Variants in SNTB1 observed in about 807,000 individuals in gnomAD.
SNTB1 encodes the protein syntrophin beta 1.
Under a neutral mutation model 48.9 loss-of-function variants are expected in SNTB1, and 36 were observed. That is an observed-to-expected ratio of 0.74 (90% CI 0.56 to 0.97). SNTB1 has a LOEUF of 0.97. Among genes scored for constraint, SNTB1 ranks in the 50% least tolerant of loss-of-function variants. The probability of loss-of-function intolerance (pLI) is 0.00; values close to 1 mark genes in which losing one functional copy is unlikely to be tolerated. For missense variants in SNTB1, 786 were observed against 703.4 expected (o/e 1.12, Z -1.33); for synonymous variants, 299 against 294.6 (o/e 1.01, Z -0.15).
chr8:120,615,514 C>G (rs1457082817), intron 3 of SNTB1, among the ~76,000 whole-genome samples: 2 of 152,136 alleles, frequency 1.3e-5, no homozygotes, highest in Non-Finnish European at 2.9e-5. Context: ...TTTGCAGAAC[C>G]CACAGGGCTT....
chr8:120,723,237 A>T (rs1308324995), intron 1 of SNTB1, among the ~76,000 whole-genome samples: 1 of 152,132 alleles, frequency 6.6e-6, no homozygotes. Context: ...AAGAATACTC[A>T]TGGTGTTATG....
At chr8:120,629,381 A>G (rs1239364029) in intron 3 of SNTB1, among the ~76,000 whole-genome samples, 2 of 152,226 alleles carry the variant, frequency 1.3e-5, no homozygotes. Context: ...TTGAAATTAA[A>G]TTAAATATAA....
At chr8:120,759,058 A>T (rs1471811049) in intron 1 of SNTB1, among the ~76,000 whole-genome samples, 2 of 152,132 alleles carry the variant, frequency 1.3e-5, no homozygotes, top group Non-Finnish European at 2.9e-5. Flanking sequence ...GGCATGAGCC[A>T]CCTTGCCCAG....
At chr8:120,704,936 T>C (rs1438044666) in intron 1 of SNTB1, among the ~76,000 whole-genome samples, 1 of 152,200 alleles carries the variant, frequency 6.6e-6, no homozygotes, top group Non-Finnish European at 1.5e-5. Context: ...TCTAGGGATT[T>C]TCATGGCTAT....
chr8:120,627,814 G>A (rs973059085), intron 3 of SNTB1, among the ~76,000 whole-genome samples: 8 of 152,172 alleles, frequency 5.3e-5, no homozygotes, highest in African/African-American at 1.9e-4. Context: ...TCCTGGGCCC[G>A]TTTATTATCT....
intron 2 of SNTB1, among the ~76,000 whole-genome samples, chr8:120,675,465 G>A (rs150526469): frequency 4.3e-4 from 66 of 152,260 alleles, no homozygotes; most frequent in Non-Finnish European, 6.6e-4. Flanking sequence ...TGTCCACAAA[G>A]GGTCCTATGT....
At chr8:120,731,557 C>A (rs1321682778) in intron 1 of SNTB1, among the ~76,000 whole-genome samples, 1 of 152,190 alleles carries the variant, frequency 6.6e-6, no homozygotes, top group Admixed American at 6.5e-5. Flanking sequence ...CTTAATATTT[C>A]ATTAGAAAAG....
rs1417667852 is a variant in SNTB1 at position 120,571,162 on chromosome 8, T to G, written c.1136+3924A>C. 2.3e-5 allele frequency: 28 copies of G among 1,212,550 alleles called. 1 individual carries two copies. Among genetic ancestry groups the G allele is most frequent in the Non-Finnish European group, 2.8e-5 (27 of 948,724 alleles). The allele number at this position is 1,212,550 out of a possible 1,614,324, so 75.1% of individuals were successfully genotyped here. A position where few individuals can be genotyped will look rare whatever the true frequency, so the allele number is the denominator to read the frequency against. On this transcript the variant is annotated intron_variant, in intron 4 of 6. Transcript: ENST00000517992. ...CAGAAACTGTGAGAACAAGGCTATGTACGAGGGTAAATTTTATTTTCATGT... is the reference window on the plus strand; with the variant it reads ...CAGAAACTGTGAGAACAAGGCTATGGACGAGGGTAAATTTTATTTTCATGT...
intron 1 of SNTB1, among the ~76,000 whole-genome samples, chr8:120,742,120 C>T (rs943868800): frequency 6.6e-6 from 1 of 152,080 alleles, no homozygotes; most frequent in Non-Finnish European, 1.5e-5. Context: ...AATAATAGGG[C>T]CTCTGAAAAC....
chr8:120,794,848 G>T lies in SNTB1; in HGVS notation c.571+16425C>A, dbSNP rs190770111. On this transcript the variant is annotated intron_variant, in intron 1 of 6. Transcript: ENST00000517992. ...TCTTCAGTCTTCTGAGAAGGACCAT[G>T]GCCATACCTTCCCAAGAGCTTCTTG... 2.2e-4 allele frequency among the ~76,000 whole-genome samples: 34 copies of T among 152,068 alleles called. 1 individual carries two copies. The highest frequency in any genetic ancestry group is 2.0e-3 in the Admixed American group (31 of 15,252).
At chr8:120,752,013 T>A (rs907580381) in intron 1 of SNTB1, among the ~76,000 whole-genome samples, 1 of 152,168 alleles carries the variant, frequency 6.6e-6, no homozygotes, top group Non-Finnish European at 1.5e-5. Context: ...TTAGTGATCG[T>A]CTTATTTTTC....
chr8:120,657,007 GA>G (rs1817512994), intron 2 of SNTB1, among the ~76,000 whole-genome samples: 1 of 152,122 alleles, frequency 6.6e-6, no homozygotes, highest in Non-Finnish European at 1.5e-5. Flanking sequence ...TATTTACTAC[GA>G]TAAAAAACTG....
chr8:120,722,694 C>T (rs943725595), intron 1 of SNTB1, among the ~76,000 whole-genome samples: 34 of 152,064 alleles, frequency 2.2e-4, no homozygotes, highest in African/African-American at 8.2e-4. Flanking sequence ...CTGTAGGTTA[C>T]CTGTTCACTC....
At chr8:120,691,029 A>G (rs534244291) in intron 2 of SNTB1, among the ~76,000 whole-genome samples, 2 of 150,240 alleles carry the variant, frequency 1.3e-5, no homozygotes, top group South Asian at 2.1e-4. Context: ...ATAATCGTCA[A>G]TGGTGGACTT....
intron 1 of SNTB1, among the ~76,000 whole-genome samples, chr8:120,763,490 C>T (rs1285725140): frequency 6.6e-6 from 1 of 152,116 alleles, no homozygotes; most frequent in African/African-American, 2.4e-5. Flanking sequence ...AAAAATTGAC[C>T]TATTAAAACA....
At chr8:120,686,709 A>G (rs1003157129) in intron 2 of SNTB1, among the ~76,000 whole-genome samples, 3 of 152,216 alleles carry the variant, frequency 2.0e-5, no homozygotes, top group African/African-American at 7.2e-5. Flanking sequence ...ATTTAAACCC[A>G]TATTTTCCAG....
intron 1 of SNTB1, among the ~76,000 whole-genome samples, chr8:120,779,553 A>G (rs1020809748): frequency 2.0e-5 from 3 of 152,184 alleles, no homozygotes; most frequent in Non-Finnish European, 4.4e-5. Flanking sequence ...GTGGAGAGTT[A>G]GAAGCTGATG....
At chr8:120,733,686 G>C (rs973799311) in intron 1 of SNTB1, among the ~76,000 whole-genome samples, 5 of 152,094 alleles carry the variant, frequency 3.3e-5, no homozygotes, top group Non-Finnish European at 5.9e-5. Flanking sequence ...TAAGATTTCA[G>C]GGTTTTCATT....
At chr8:120,748,281 G>GT (rs1165284645) in intron 1 of SNTB1, among the ~76,000 whole-genome samples, 2 of 151,832 alleles carry the variant, frequency 1.3e-5, no homozygotes, top group South Asian at 2.1e-4. Flanking sequence ...TTTGGAGTGG[G>GT]TTTTTTTTCC....
Sources: allele counts gnomAD v4.1 joint callset (sites outside exome capture counted in the v4.1 genomes callset), GRCh38; gene constraint gnomAD v4.1.1; transcripts MANE v1.5; gene names NCBI Gene and HGNC (gene_info 2026-07-23, HGNC 2026-07-21).